The following COL5A1 variants were observed in gnomAD, a reference collection of about 807,000 sequenced individuals.
The protein encoded by COL5A1 is collagen alpha-1(V) chain.
In COL5A1, 16 loss-of-function variants were observed where a neutral mutation model predicts 263.7. The ratio of observed to expected loss-of-function variants is 0.06; its 90% CI spans 0.04 to 0.09. The LOEUF is 0.09. COL5A1 is among the 10% of genes least tolerant of loss of function. COL5A1 has a pLI of 1.00. For missense variants in COL5A1, 2,036 were observed against 2,540.5 expected (o/e 0.80, Z 4.27); for synonymous variants, 1,012 against 1,004.5 (o/e 1.01, Z -0.14).
chr9:134,730,504 T>A, intron 7 of COL5A1, 29 bp downstream of exon 7: 1 of 1,613,184 alleles, frequency 6.2e-7, no homozygotes. Context: ...ATTGGTTTGG[T>A]CTGGGGCAGT....
At position 134,751,134 on chromosome 9, in the gene COL5A1, G is replaced by A. The variant is rs12345547; in HGVS notation, c.1662+252G>A. Among the ~76,000 whole-genome samples the A allele has an allele frequency of 0.14, 18,970 of 140,476 alleles. 368 individuals are homozygous for A. Among genetic ancestry groups the A allele is most frequent in the East Asian group, 0.22 (929 of 4,154 alleles). 92.2% of individuals were successfully genotyped at this position (140,476 alleles called of 152,430 possible). A position where few individuals can be genotyped will look rare whatever the true frequency, so the allele number is the denominator to read the frequency against. On this transcript the variant is annotated intron_variant, in intron 13 of 65. Transcript: ENST00000371817. ...AGTGTCCAGTAGGGGCCCCGAGAGC[G>A]TGTCACTGTCCAGTAGGGACCCCGA...
Position 134,765,723 on chromosome 9 carries a change from C to T in COL5A1, c.2077C>T (p.Pro693Ser). ...LLGPKGPPGP[P>S]GPPGVTGMDG... ...TGGGCCGAAGGGGCCCCCAGGTCCTCCCGGACCTCCCGTAAGTCCCATTAC... is the reference window on the plus strand; with the variant it reads ...TGGGCCGAAGGGGCCCCCAGGTCCTTCCGGACCTCCCGTAAGTCCCATTAC... The change falls in exon 21 of 66, where the codon CCC (proline) becomes TCC (serine). Residue 693 changes from proline to serine, a missense_variant. Coordinates refer to ENST00000371817, the MANE Select transcript of COL5A1 (RefSeq NM_000093.5). The surrounding 1 kb of genome is among the most constrained non-coding windows in gnomAD (Gnocchi z 5.1). 6.2e-7 allele frequency: 1 copy of T among 1,613,078 alleles called. No homozygotes were observed.
chr9:134,780,287 C>G (rs1837204314), intron 28 of COL5A1, 141 bp downstream of exon 28: 1 of 845,400 alleles, frequency 1.2e-6, no homozygotes, highest in African/African-American at 1.7e-5. Context: ...ATGGATGCCA[C>G]TCTGTGGAAA....
Position 134,686,501 on chromosome 9 carries a change from C to T in COL5A1, c.110-4411C>T, listed in dbSNP as rs911534201. On this transcript the variant is annotated intron_variant, in intron 1 of 65. Transcript: ENST00000371817. This position sits in a 1 kb window ranked among gnomAD's most constrained non-coding sequence, Gnocchi z 4.6. ...TCCCGAGCTCAAGCCATCTGCCTGC[C>T]TCGGCCTCCCAAAGTGCTGGGATTC... Among the ~76,000 whole-genome samples the T allele has an allele frequency of 2.0e-5, 3 of 152,196 alleles. No individual in the cohort carries two copies. Among genetic ancestry groups the T allele is most frequent in the African/African-American group, 7.2e-5 (3 of 41,446 alleles).
intron 57 of COL5A1, among the ~76,000 whole-genome samples, chr9:134,819,572 C>T (rs751288916): frequency 6.4e-4 from 97 of 152,204 alleles, no homozygotes; most frequent in Non-Finnish European, 3.4e-4. Flanking sequence ...TGACGTCCGC[C>T]ACCACTGCCC....
At chr9:134,690,312 C>T (rs759379955) in intron 1 of COL5A1, among the ~76,000 whole-genome samples, 12 of 151,042 alleles carry the variant, frequency 7.9e-5, no homozygotes, top group Admixed American at 3.3e-4. Context: ...TGGATAATGA[C>T]GGGGGGATAA....
intron 18 of COL5A1, among the ~76,000 whole-genome samples, chr9:134,761,192 T>TC (rs1399864169): frequency 5.4e-5 from 4 of 73,734 alleles, no homozygotes; most frequent in Admixed American, 1.4e-4. Context: ...GCACCCCCCA[T>TC]CCCCCCACAT....
intron 11 of COL5A1, among the ~76,000 whole-genome samples, chr9:134,747,854 C>T (rs1310389932): frequency 6.8e-6 from 1 of 146,694 alleles, no homozygotes; most frequent in African/African-American, 2.6e-5. Context: ...TGCACACATG[C>T]ATTCATACAC....
At chr9:134,673,736 ACAC>A (rs1331154298) in intron 1 of COL5A1, among the ~76,000 whole-genome samples, 1 of 152,236 alleles carries the variant, frequency 6.6e-6, no homozygotes, top group African/African-American at 2.4e-5. Context: ...TATTAAAACA[ACAC>A]CTTATACTTT....
Position 134,801,653 on chromosome 9 carries a change from G to C in COL5A1, c.2953-301G>C, listed in dbSNP as rs62571400. On this transcript the variant is annotated intron_variant, in intron 37 of 65. Coordinates refer to ENST00000371817, the MANE Select transcript of COL5A1 (RefSeq NM_000093.5). ...AATACAAAAATTTGCCAGGTGTGAT[G>C]GTGTGTGCCTGTAATCCCAGCTACC... 0.017 allele frequency among the ~76,000 whole-genome samples: 2,604 copies of C among 152,212 alleles called. 27 individuals carry two copies. Among genetic ancestry groups the C allele is most frequent in the East Asian group, 0.041 (212 of 5,158 alleles).
intron 36 of COL5A1, among the ~76,000 whole-genome samples, chr9:134,797,669 G>A (rs892051176): frequency 2.0e-5 from 3 of 152,170 alleles, no homozygotes; most frequent in African/African-American, 7.2e-5. Context: ...TTTTAGTAGA[G>A]ATGGGGTTTC....
intron 31 of COL5A1, among the ~76,000 whole-genome samples, chr9:134,788,634 CAGAT>C (rs1429738327): frequency 2.8e-5 from 4 of 142,634 alleles, no homozygotes; most frequent in Non-Finnish European, 6.0e-5. Context: ...GATGGATAGA[CAGAT>C]AGATGGATAG....
intron 1 of COL5A1, among the ~76,000 whole-genome samples, chr9:134,661,834 C>A (rs2132498068): frequency 6.6e-6 from 1 of 152,318 alleles, no homozygotes; most frequent in East Asian, 1.9e-4. Context: ...GTGCCAACCT[C>A]GCTGTTCCTC....
At chr9:134,646,772 G>A (rs1404477653) in intron 1 of COL5A1, among the ~76,000 whole-genome samples, 2 of 152,170 alleles carry the variant, frequency 1.3e-5, no homozygotes. Context: ...TGTGCTGGGT[G>A]ACAGGTGGTC....
chr9:134,707,363 C>T (rs933053366), intron 4 of COL5A1, among the ~76,000 whole-genome samples: 8 of 152,204 alleles, frequency 5.3e-5, no homozygotes, highest in Non-Finnish European at 8.8e-5. Context: ...CATCTGTCTG[C>T]CTTCATTTCA....
intron 19 of COL5A1, among the ~76,000 whole-genome samples, chr9:134,762,899 A>G (rs532559042): frequency 6.6e-6 from 1 of 151,908 alleles, no homozygotes; most frequent in East Asian, 1.9e-4. Flanking sequence ...ATGCGTGCAT[A>G]TGTGTGGCTG....
Position 134,758,437 on chromosome 9 carries a change from CG to C in COL5A1, c.1935+144del. ...TCCAACAGTCAGTATACAAACCTCA[CG>C]GGAGTCAGCAATGGCAGTGAGCCCC... is the stretch of plus-strand genomic sequence containing the variant. On this transcript the variant is annotated intron_variant, in intron 18 of 65. Coordinates refer to ENST00000371817, the MANE Select transcript of COL5A1 (RefSeq NM_000093.5). This position sits in a 1 kb window ranked among gnomAD's most constrained non-coding sequence, Gnocchi z 4.1. 1.2e-6 allele frequency: 1 copy of C among 817,352 alleles called. No homozygotes were observed. 50.6% of individuals were successfully genotyped at this position (817,352 alleles called of 1,614,324 possible). A position where few individuals can be genotyped will look rare whatever the true frequency, so the allele number is the denominator to read the frequency against.
chr9:134,754,435 G>A lies in COL5A1; in HGVS notation c.1827+109G>A. 1.6e-6 allele frequency: 2 copies of A among 1,284,800 alleles called. No homozygotes were observed. Among genetic ancestry groups the A allele is most frequent in the Non-Finnish European group, 2.3e-6 (2 of 884,502 alleles). 79.6% of individuals were successfully genotyped at this position (1,284,800 alleles called of 1,614,324 possible). ...AGCCAGCTGGGCCACATGAAGCCAGGTGGCTCCCCTTCTTGTGATGGGTGC... is the reference window on the plus strand; with the variant it reads ...AGCCAGCTGGGCCACATGAAGCCAGATGGCTCCCCTTCTTGTGATGGGTGC... On this transcript the variant is annotated intron_variant, in intron 16 of 65. Coordinates refer to ENST00000371817, the MANE Select transcript of COL5A1 (RefSeq NM_000093.5). The surrounding 1 kb of genome is among the most constrained non-coding windows in gnomAD (Gnocchi z 4.3).
intron 1 of COL5A1, among the ~76,000 whole-genome samples, chr9:134,649,067 C>T (rs1831575586): frequency 6.8e-6 from 1 of 147,442 alleles, no homozygotes; most frequent in Admixed American, 6.9e-5. Flanking sequence ...GTGTTCCAGG[C>T]AGGGGTGGGT....
Sources: gnomAD v4.1 joint callset for allele counts (sites outside exome capture counted in the v4.1 genomes callset) on GRCh38, gnomAD v4.1.1 for gene constraint, Gnocchi (gnomAD v3.1) non-coding constraint, MANE v1.5 for transcripts, NCBI Gene and HGNC (gene_info 2026-07-23, HGNC 2026-07-21) for gene names.